Variants in FBXO36 observed in about 807,000 individuals in gnomAD.
The protein encoded by FBXO36 is F-box only protein 36.
In FBXO36, 18 loss-of-function variants were observed where a neutral mutation model predicts 17.0. The ratio of observed to expected loss-of-function variants is 1.06; its 90% CI spans 0.73 to 1.57. FBXO36 has a LOEUF of 1.57. FBXO36 is among the 40% of genes most tolerant of loss of function. The pLI, the probability that FBXO36 is intolerant of heterozygous loss-of-function variation, is 0.00. For missense variants in FBXO36, 229 were observed against 221.9 expected (o/e 1.03, Z -0.20); for synonymous variants, 83 against 85.3 (o/e 0.97, Z 0.15).
At chr2:229,943,617 G>A (rs2077011484) in intron 1 of FBXO36, among the ~76,000 whole-genome samples, 2 of 152,220 alleles carry the variant, frequency 1.3e-5, no homozygotes, top group African/African-American at 2.4e-5. Context: ...GATTGGAAAT[G>A]TGAGAGGCTG....
At position 230,000,851 on chromosome 2, in the gene FBXO36, C is replaced by CT. The variant is rs71049612; in HGVS notation, c.378+3950dup. ...TCCCCGCATAACATTAACCACTTTT[C>CT]TTTTTTTTTTTTTTTTTTTTTTGAG... On this transcript the variant is annotated intron_variant, in intron 3 of 3. Transcript: ENST00000283946. Among the ~76,000 whole-genome samples, 240 of 89,474 alleles carry CT rather than the reference C, an allele frequency of 2.7e-3. 1 individual carries two copies. The highest frequency in any genetic ancestry group is 9.1e-3 in the African/African-American group (220 of 24,236). The allele number at this position is 89,474 out of a possible 152,430, so 58.7% of individuals were successfully genotyped here.
intron 1 of FBXO36, among the ~76,000 whole-genome samples, chr2:229,965,720 C>T (rs188193029): frequency 1.5e-3 from 222 of 152,258 alleles, no homozygotes; most frequent in Non-Finnish European, 2.4e-3. Flanking sequence ...ATTTTTATGG[C>T]TGCATAGTAT....
intron 1 of FBXO36, among the ~76,000 whole-genome samples, chr2:229,924,409 A>G (rs2076892802): frequency 6.6e-6 from 1 of 152,132 alleles, no homozygotes; most frequent in South Asian, 2.1e-4. Context: ...AAGATTTATG[A>G]TCCTAACATT....
At chr2:229,961,266 A>G (rs1326085243) in intron 1 of FBXO36, among the ~76,000 whole-genome samples, 3 of 152,184 alleles carry the variant, frequency 2.0e-5, no homozygotes, top group Admixed American at 6.5e-5. Context: ...TTTGTTTATT[A>G]TATACAAATA....
intron 1 of FBXO36, among the ~76,000 whole-genome samples, chr2:229,935,514 A>G (rs2076959459): frequency 6.6e-6 from 1 of 152,148 alleles, no homozygotes; most frequent in African/African-American, 2.4e-5. Context: ...ACTCCGTCTC[A>G]AATAAGTAAA....
intron 1 of FBXO36, among the ~76,000 whole-genome samples, chr2:229,956,645 C>T (rs2077089555): frequency 2.0e-5 from 3 of 152,112 alleles, no homozygotes; most frequent in Non-Finnish European, 2.9e-5. Context: ...AGTCAGTCTC[C>T]CTACATGATG....
At chr2:229,957,340 G>A (rs907500184) in intron 1 of FBXO36, among the ~76,000 whole-genome samples, 1 of 152,170 alleles carries the variant, frequency 6.6e-6, no homozygotes, top group Non-Finnish European at 1.5e-5. Flanking sequence ...ACTTTGGGAG[G>A]CCAAGGCGGG....
In FBXO36 at chr2:229,969,374, A is replaced by G. The variant is rs1172250855; in HGVS notation, c.97-6867A>G. 2.8e-5 allele frequency among the ~76,000 whole-genome samples: 4 copies of G among 144,074 alleles called. No homozygotes were observed. In the East Asian group the frequency reaches 8.2e-4, roughly 30 times the overall value. The allele number at this position is 144,074 out of a possible 152,430, so 94.5% of individuals were successfully genotyped here. A position where few individuals can be genotyped will look rare whatever the true frequency, so the allele number is the denominator to read the frequency against. Reference sequence around the variant, plus strand: ...TGGGACTACAGCTGGAGGCCACCACACTCACAAATTAAAAAAAAAAAAAAA... The same window carrying G: ...TGGGACTACAGCTGGAGGCCACCACGCTCACAAATTAAAAAAAAAAAAAAA... On this transcript the variant is annotated intron_variant, in intron 1 of 3. Coordinates refer to ENST00000283946, the MANE Select transcript of FBXO36 (RefSeq NM_174899.5).
intron 2 of FBXO36, among the ~76,000 whole-genome samples, chr2:229,992,555 C>T (rs914310314): frequency 3.3e-5 from 5 of 152,142 alleles, no homozygotes; most frequent in Admixed American, 6.5e-5. Flanking sequence ...CCAACCCTCT[C>T]GTCACACTCA....
chr2:229,976,378 T>C (rs1446186056), intron 2 of FBXO36, 29 bp downstream of exon 2: 1 of 1,450,454 alleles, frequency 6.9e-7, no homozygotes, highest in Non-Finnish European at 9.6e-7. Context: ...TATATACCCC[T>C]GTTAAGTTCT....
chr2:230,002,174 C>T (rs13425945), intron 3 of FBXO36, among the ~76,000 whole-genome samples: 2,548 of 151,952 alleles, frequency 0.017, 68 homozygotes, highest in African/African-American at 0.059. Context: ...TACCCAGCTT[C>T]CCCCATGTTG....
chr2:229,974,535 T>C (rs1291162426), intron 1 of FBXO36, among the ~76,000 whole-genome samples: 1 of 152,158 alleles, frequency 6.6e-6, no homozygotes, highest in East Asian at 1.9e-4. Flanking sequence ...GTATGCAAGA[T>C]ATGAGGCCAA....
intron 3 of FBXO36, among the ~76,000 whole-genome samples, chr2:230,005,322 G>A (rs1046940329): frequency 4.6e-5 from 7 of 152,018 alleles, no homozygotes; most frequent in East Asian, 1.9e-4. Flanking sequence ...AGCTGGTCTC[G>A]AATCTTGGGC....
At position 229,975,226 on chromosome 2, in the gene FBXO36, C is replaced by G. The variant is rs536622312; in HGVS notation, c.97-1015C>G. Among the ~76,000 whole-genome samples, 9 of 152,218 alleles carry G rather than the reference C, an allele frequency of 5.9e-5. No individual in the cohort carries two copies. The South Asian group carries it at 8.3e-4, about 14-fold the overall frequency. ...CCAAGAAGTGTCCTGTGTAATGACA[C>G]TTTTTCATGCATCAAACTAAGCATA... On this transcript the variant is annotated intron_variant, in intron 1 of 3. Coordinates refer to ENST00000283946, the MANE Select transcript of FBXO36 (RefSeq NM_174899.5).
intron 1 of FBXO36, among the ~76,000 whole-genome samples, chr2:229,936,718 A>T (rs35547214): frequency 0.27 from 40,496 of 151,934 alleles, 6,206 homozygotes; most frequent in Middle Eastern, 0.43. Flanking sequence ...AAAAAAATTT[A>T]AAATGAGCCA....
At chr2:229,997,308 A>T (rs1478594767) in intron 3 of FBXO36, among the ~76,000 whole-genome samples, 1 of 151,446 alleles carries the variant, frequency 6.6e-6, no homozygotes, top group Non-Finnish European at 1.5e-5. Flanking sequence ...AAGCAGAAGC[A>T]TAGTGGCGTA....
chr2:229,951,537 C>T (rs931486446), intron 1 of FBXO36, among the ~76,000 whole-genome samples: 2 of 152,246 alleles, frequency 1.3e-5, no homozygotes, highest in African/African-American at 4.8e-5. Context: ...AGCCGCCGCG[C>T]CCAGCCCAGG....
intron 1 of FBXO36, among the ~76,000 whole-genome samples, chr2:229,928,973 A>ATTT (rs11440617): frequency 9.0e-5 from 13 of 144,888 alleles, no homozygotes; most frequent in African/African-American, 2.3e-4. Flanking sequence ...TTTTCTTTTC[A>ATTT]TTTTTTTTTT....
At chr2:229,984,088 G>A (rs1191160765) in intron 2 of FBXO36, among the ~76,000 whole-genome samples, 1 of 152,094 alleles carries the variant, frequency 6.6e-6, no homozygotes, top group Non-Finnish European at 1.5e-5. Context: ...GGTGGCTCAC[G>A]CCTGTAATCC....
Sources: allele counts gnomAD v4.1 joint callset (sites outside exome capture counted in the v4.1 genomes callset), GRCh38; gene constraint gnomAD v4.1.1; transcripts MANE v1.5; gene names NCBI Gene and HGNC (gene_info 2026-07-23, HGNC 2026-07-21).